ADGRL3: variants seen among roughly 807,000 people sequenced by gnomAD.
ADGRL3 encodes adhesion G protein-coupled receptor L3.
In ADGRL3, 62 loss-of-function variants were observed where a neutral mutation model predicts 153.5. The ratio of observed to expected loss-of-function variants is 0.40; its 90% CI spans 0.33 to 0.50. ADGRL3 has a LOEUF of 0.50. Ranked by LOEUF, ADGRL3 falls within the 20% of genes least tolerant of loss-of-function variation. ADGRL3 has a pLI of 0.47. For synonymous variants in ADGRL3, 710 were observed against 672.5 expected (o/e 1.06, Z -0.86); for missense variants, 1,641 against 1,859.4 (o/e 0.88, Z 2.16).
intron 9 of ADGRL3, among the ~76,000 whole-genome samples, chr4:61,877,863 TGG>T: frequency 6.6e-6 from 1 of 152,124 alleles, no homozygotes; most frequent in Non-Finnish European, 1.5e-5. Context: ...GATTGGATCC[TGG>T]GAACAGTTCC....
intron 5 of ADGRL3, among the ~76,000 whole-genome samples, chr4:61,612,013 G>A (rs1056669704): frequency 1.3e-5 from 2 of 151,970 alleles, no homozygotes; most frequent in Admixed American, 1.3e-4. Flanking sequence ...TGTTCACTCA[G>A]GGTAAGAATG....
intron 1 of ADGRL3, among the ~76,000 whole-genome samples, chr4:61,224,566 G>T (rs1239835430): frequency 6.6e-6 from 1 of 152,216 alleles, no homozygotes; most frequent in African/African-American, 2.4e-5. Flanking sequence ...AGAAGTGTGT[G>T]TGTAGGGGAT....
intron 9 of ADGRL3, among the ~76,000 whole-genome samples, chr4:61,861,576 G>A (rs564580445): frequency 2.6e-5 from 4 of 152,014 alleles, no homozygotes; most frequent in Non-Finnish European, 4.4e-5. Context: ...CTCAAATTTG[G>A]TGGCATAAAC....
intron 4 of ADGRL3, among the ~76,000 whole-genome samples, chr4:61,525,632 A>C (rs936545320): frequency 6.6e-6 from 1 of 152,118 alleles, no homozygotes; most frequent in Non-Finnish European, 1.5e-5. Flanking sequence ...ATAGGGCAGA[A>C]GGTAATGAGT....
At chr4:62,060,239 T>A (rs946478390) in intron 25 of ADGRL3, among the ~76,000 whole-genome samples, 3 of 151,990 alleles carry the variant, frequency 2.0e-5, no homozygotes, top group Non-Finnish European at 2.9e-5. Context: ...TATATGTATT[T>A]AAGACAAAGA....
chr4:61,502,167 C>A (rs1241340091), intron 3 of ADGRL3, among the ~76,000 whole-genome samples: 1 of 152,120 alleles, frequency 6.6e-6, no homozygotes, highest in South Asian at 2.1e-4. Context: ...GTACCTGGGG[C>A]TCATTTTGAT....
intron 2 of ADGRL3, among the ~76,000 whole-genome samples, chr4:61,386,599 T>G (rs2096739285): frequency 6.6e-6 from 1 of 152,184 alleles, no homozygotes; most frequent in Admixed American, 6.6e-5. Flanking sequence ...ATTGGAGATT[T>G]CTTGCAGGGA....
At chr4:61,920,859 T>G (rs753819043) in intron 13 of ADGRL3, among the ~76,000 whole-genome samples, 4 of 152,200 alleles carry the variant, frequency 2.6e-5, no homozygotes, top group Non-Finnish European at 4.4e-5. Flanking sequence ...TTTGCATGGT[T>G]AAATACTTCA....
At chr4:61,831,886 G>A (rs1327295356) in intron 9 of ADGRL3, among the ~76,000 whole-genome samples, 1 of 151,802 alleles carries the variant, frequency 6.6e-6, no homozygotes, top group Non-Finnish European at 1.5e-5. Flanking sequence ...AGAATGAAGG[G>A]GTAGCTGGCA....
chr4:61,452,404 A>T (rs1443483136), intron 2 of ADGRL3, among the ~76,000 whole-genome samples: 1 of 152,170 alleles, frequency 6.6e-6, no homozygotes, highest in African/African-American at 2.4e-5. Flanking sequence ...GCTGCAAAAA[A>T]CATCTCCAAC....
At chr4:61,209,719 T>G (rs1739016583) in intron 1 of ADGRL3, among the ~76,000 whole-genome samples, 1 of 152,254 alleles carries the variant, frequency 6.6e-6, no homozygotes, top group Non-Finnish European at 1.5e-5. Context: ...GACAGAAAAA[T>G]ATTTTTGACA....
rs143885293 is a variant in ADGRL3 at position 61,220,184 on chromosome 4, T to A, written c.-240+18419T>A. Among the ~76,000 whole-genome samples, 404 of 152,238 alleles carry A rather than the reference T, an allele frequency of 2.7e-3. 5 individuals are homozygous for A. Among genetic ancestry groups the A allele is most frequent in the African/African-American group, 9.1e-3 (379 of 41,550 alleles). On this transcript the variant is annotated intron_variant, in intron 1 of 26. Coordinates refer to ENST00000683033, the MANE Select transcript of ADGRL3 (RefSeq NM_001387552.1). Reference sequence around the variant, plus strand: ...ATGGCTGGAACTTCTTTTAGTCTTTTCATAAGCTAGAGTATTTGGTTATGA... The same window carrying A: ...ATGGCTGGAACTTCTTTTAGTCTTTACATAAGCTAGAGTATTTGGTTATGA...
intron 6 of ADGRL3, among the ~76,000 whole-genome samples, chr4:61,683,225 A>C (rs116709145): frequency 0.024 from 3,602 of 151,244 alleles, 133 homozygotes; most frequent in African/African-American, 0.083. Context: ...CAATCCTCCA[A>C]CCTCAGCCTC....
At chr4:62,051,491 G>C (rs1405225741) in intron 25 of ADGRL3, among the ~76,000 whole-genome samples, 1 of 150,304 alleles carries the variant, frequency 6.7e-6, no homozygotes, top group Non-Finnish European at 1.5e-5. Context: ...ATAAATCGTT[G>C]GCAGGATCTG....
intron 1 of ADGRL3, among the ~76,000 whole-genome samples, chr4:61,240,435 TTGTC>T (rs1395768405): frequency 3.3e-5 from 5 of 152,146 alleles, no homozygotes; most frequent in African/African-American, 4.8e-5. Context: ...CAAGATTTCA[TTGTC>T]TGCCCATCTC....
At chr4:61,620,109 T>TA (rs1207356592) in intron 5 of ADGRL3, among the ~76,000 whole-genome samples, 2 of 151,766 alleles carry the variant, frequency 1.3e-5, no homozygotes, top group South Asian at 2.1e-4. Context: ...CTTCTTCCTT[T>TA]AAAAAAATGC....
chr4:61,377,339 A>G (rs1054344017), intron 1 of ADGRL3, among the ~76,000 whole-genome samples: 1 of 152,074 alleles, frequency 6.6e-6, no homozygotes, highest in Non-Finnish European at 1.5e-5. Flanking sequence ...TATGAAACTC[A>G]GCCTTCTATA....
chr4:61,287,934 C>T (rs531328254), intron 1 of ADGRL3, among the ~76,000 whole-genome samples: 1 of 152,026 alleles, frequency 6.6e-6, no homozygotes, highest in South Asian at 2.1e-4. Context: ...TTGAGCGGGC[C>T]TTAGCTTAAA....
At chr4:61,329,095 G>A (rs1560479947) in intron 1 of ADGRL3, among the ~76,000 whole-genome samples, 1 of 152,070 alleles carries the variant, frequency 6.6e-6, no homozygotes, top group East Asian at 1.9e-4. Flanking sequence ...ATGAAGGACT[G>A]GTGTTTACTG....
Sources: gnomAD v4.1 joint callset for allele counts (sites outside exome capture counted in the v4.1 genomes callset) on GRCh38, gnomAD v4.1.1 for gene constraint, MANE v1.5 for transcripts, NCBI Gene and HGNC (gene_info 2026-07-23, HGNC 2026-07-21) for gene names.